VTI1A: variants seen among roughly 807,000 people sequenced by gnomAD.
The protein encoded by VTI1A is vesicle transport through interaction with t-SNAREs homolog 1A.
In VTI1A, 22 loss-of-function variants were observed where a neutral mutation model predicts 34.9. The observed-to-expected ratio is 0.63, with a 90% CI of 0.45 to 0.90. VTI1A has a LOEUF of 0.90. Ranked by LOEUF, VTI1A falls within the 40% of genes least tolerant of loss-of-function variation. The probability of loss-of-function intolerance (pLI) is 0.00; values close to 1 mark genes in which losing one functional copy is unlikely to be tolerated. For synonymous variants in VTI1A, 87 were observed against 97.3 expected, an observed-to-expected ratio of 0.89 and a Z score of 0.62; for missense variants, 268 against 275.6, an observed-to-expected ratio of 0.97 and a Z score of 0.20.
chr10:112,749,487 A>G (rs965162952), intron 7 of VTI1A, among the ~76,000 whole-genome samples: 1 of 152,248 alleles, frequency 6.6e-6, no homozygotes, highest in Admixed American at 6.5e-5. Flanking sequence ...TGATAGGAAT[A>G]TGTGTAAGAC....
intron 5 of VTI1A, among the ~76,000 whole-genome samples, chr10:112,666,083 T>A (rs7092136): frequency 0.25 from 38,102 of 152,088 alleles, 6,999 homozygotes; most frequent in African/African-American, 0.52. Context: ...GTATGACAAA[T>A]TTGAATATTG....
At chr10:112,848,710 G>A in the VTI1A span, among the ~76,000 whole-genome samples, 484 of 152,294 alleles carry the variant, frequency 3.2e-3, 3 homozygotes, top group African/African-American at 0.011. Flanking sequence ...AGGGAAGCCA[G>A]AGAAGCAAAA....
rs1424924745 is a variant in VTI1A, at chr10:112,490,547, G to A, written c.264+25890G>A. On this transcript the variant is annotated intron_variant, in intron 3 of 7. Coordinates refer to ENST00000393077, the MANE Select transcript of VTI1A (RefSeq NM_145206.4). ...TCACTATATGTGTATTGTCATTAATGATATGCTCATTTTGATAATGGGGCT... is the reference window on the plus strand; with the variant it reads ...TCACTATATGTGTATTGTCATTAATAATATGCTCATTTTGATAATGGGGCT... 3.3e-5 allele frequency among the ~76,000 whole-genome samples: 5 copies of A among 151,842 alleles called. No individual in the cohort carries two copies. In the East Asian group the frequency reaches 9.7e-4, roughly 29 times the overall value.
At chr10:112,686,221 G>A (rs1387415191) in intron 7 of VTI1A, among the ~76,000 whole-genome samples, 2 of 152,142 alleles carry the variant, frequency 1.3e-5, no homozygotes, top group African/African-American at 2.4e-5. Context: ...TATGTGGCAG[G>A]TGAACCACTT....
the VTI1A span, among the ~76,000 whole-genome samples, chr10:112,830,835 A>ATTTTT: frequency 6.6e-5 from 3 of 45,756 alleles, no homozygotes; most frequent in African/African-American, 2.6e-4. Flanking sequence ...ATATATATAT[A>ATTTTT]TATATATATA....
chr10:112,536,615 A>G (rs953030266), intron 4 of VTI1A, among the ~76,000 whole-genome samples: 4 of 151,352 alleles, frequency 2.6e-5, no homozygotes, highest in African/African-American at 9.7e-5. Context: ...GGAGGGGACA[A>G]TTTTTCTCTT....
chr10:112,483,622 T>A (rs1320686383), intron 3 of VTI1A, among the ~76,000 whole-genome samples: 2 of 152,108 alleles, frequency 1.3e-5, no homozygotes, highest in African/African-American at 4.8e-5. Context: ...TTTAGCAACA[T>A]CTCTGGCCTC....
In VTI1A at chr10:112,543,230, C is replaced by A. The variant is rs964741412; in HGVS notation, c.427+4900C>A. Among the ~76,000 whole-genome samples the A allele has an allele frequency of 3.9e-4, 60 of 152,242 alleles. 1 individual carries two copies. The highest frequency in any genetic ancestry group is 1.4e-3 in the African/African-American group (58 of 41,550). Reference sequence around the variant, plus strand: ...GCTGAGTCAAATGGTATTTCTAGTTCTAGATCCTTGAGGAATCGCCACACT... The same window carrying A: ...GCTGAGTCAAATGGTATTTCTAGTTATAGATCCTTGAGGAATCGCCACACT... On this transcript the variant is annotated intron_variant, in intron 5 of 7. Transcript: ENST00000393077.
rs1244353748 is a variant in VTI1A at position 112,815,671 on chromosome 10, A to G, written c.*288A>G. The G allele has an allele frequency of 2.3e-6, 1 of 439,110 alleles. No individual in the cohort carries two copies. Among genetic ancestry groups the G allele is most frequent in the Non-Finnish European group, 4.2e-6 (1 of 236,884 alleles). The allele number at this position is 439,110 out of a possible 1,614,324, so 27.2% of individuals were successfully genotyped here. On this transcript the variant is annotated 3_prime_UTR_variant, in exon 8 of 8. Transcript: ENST00000393077. Reference sequence around the variant, plus strand: ...GTCATCAACTAGCCAAAATAGCCCCAGTGACACTCCTAGCCCTCTGGACGT... The same window carrying G: ...GTCATCAACTAGCCAAAATAGCCCCGGTGACACTCCTAGCCCTCTGGACGT...
In VTI1A at chr10:112,526,827, T is replaced by C. The variant is rs111333326; in HGVS notation, c.265-260T>C. Reference sequence around the variant, plus strand: ...TTATTTGAATGGCGATGTATGGAACTATATACAAGTTCAGATGCGTTTATG... The same window carrying C: ...TTATTTGAATGGCGATGTATGGAACCATATACAAGTTCAGATGCGTTTATG... On this transcript the variant is annotated intron_variant, in intron 3 of 7. Transcript: ENST00000393077. Among the ~76,000 whole-genome samples the C allele has an allele frequency of 8.8e-3, 1,344 of 152,318 alleles. 7 individuals carry two copies. The highest frequency in any genetic ancestry group is 0.015 in the Non-Finnish European group (987 of 68,018).
rs1302235091 is a variant in VTI1A, at chr10:112,538,267, A to G, written c.364A>G (p.Thr122Ala). Residue 122 changes from threonine to alanine, a missense_variant, in exon 5 of 8, where the codon ACA (threonine) becomes GCA (alanine). Thr to Ala is a moderately conservative substitution (Grantham distance 58). Coordinates refer to ENST00000393077, the MANE Select transcript of VTI1A (RefSeq NM_145206.4). ...TCAGAGGGCACATCTGCTCGATAAC[A>G]CAGAGAGGCTGGAAAGGTCATCTCG... is the stretch of plus-strand genomic sequence containing the variant. ...ENQRAHLLDN[T>A]ERLERSSRRL... is the part of the protein sequence containing the mutation. The G allele has an allele frequency of 1.2e-6, 2 of 1,613,242 alleles. No individual in the cohort carries two copies. Among genetic ancestry groups the G allele is most frequent in the Non-Finnish European group, 8.5e-7 (1 of 1,179,788 alleles).
intron 5 of VTI1A, among the ~76,000 whole-genome samples, chr10:112,627,632 T>C (rs924488103): frequency 6.6e-6 from 1 of 152,168 alleles, no homozygotes; most frequent in African/African-American, 2.4e-5. Flanking sequence ...TTTATATGTG[T>C]CAATATATAT....
intron 7 of VTI1A, among the ~76,000 whole-genome samples, chr10:112,814,779 T>A (rs529592672): frequency 6.6e-6 from 1 of 152,352 alleles, no homozygotes; most frequent in Non-Finnish European, 1.5e-5. Flanking sequence ...GCTGCACATT[T>A]GACACTTGTT....
chr10:112,815,482 G>A lies in VTI1A; in HGVS notation c.*99G>A, dbSNP rs1853491447. ...CATTCTGTTGCGCTGACAGGCCCCA[G>A]GTGACCCTCTCTCTCCCTCACCGCC... On this transcript the variant is annotated 3_prime_UTR_variant, in exon 8 of 8. Transcript: ENST00000393077. The A allele has an allele frequency of 9.4e-7, 1 of 1,060,478 alleles. No individual in the cohort carries two copies. Among genetic ancestry groups the A allele is most frequent in the Non-Finnish European group, 1.4e-6 (1 of 691,886 alleles). The allele number at this position is 1,060,478 out of a possible 1,614,324, so 65.7% of individuals were successfully genotyped here.
chr10:112,794,200 T>A (rs1387815081), intron 7 of VTI1A, among the ~76,000 whole-genome samples: 1 of 151,964 alleles, frequency 6.6e-6, no homozygotes, highest in Non-Finnish European at 1.5e-5. Context: ...TTTGCAAAAT[T>A]CAAATCAAAA....
At chr10:112,624,682 C>T (rs1321956525) in intron 5 of VTI1A, among the ~76,000 whole-genome samples, 2 of 152,146 alleles carry the variant, frequency 1.3e-5, no homozygotes, top group African/African-American at 2.4e-5. Context: ...CAGTTTGCTG[C>T]TGTTGTTGTT....
chr10:112,551,279 T>C (rs1589893248), intron 5 of VTI1A, among the ~76,000 whole-genome samples: 1 of 139,466 alleles, frequency 7.2e-6, no homozygotes, highest in South Asian at 2.3e-4. Flanking sequence ...ACCTTCACAA[T>C]GGAGCTATTT....
intron 1 of VTI1A, among the ~76,000 whole-genome samples, chr10:112,459,928 T>C (rs1258061169): frequency 2.0e-5 from 3 of 152,232 alleles, no homozygotes; most frequent in African/African-American, 7.2e-5. Flanking sequence ...TTTATTTCCA[T>C]TTTAGAGAGT....
intron 4 of VTI1A, among the ~76,000 whole-genome samples, chr10:112,536,356 A>G (rs1850612381): frequency 6.6e-6 from 1 of 152,198 alleles, no homozygotes; most frequent in Non-Finnish European, 1.5e-5. Context: ...ACAATTTTCA[A>G]GGAAGGGAAG....
Sources: allele counts gnomAD v4.1 joint callset (sites outside exome capture counted in the v4.1 genomes callset), GRCh38; gene constraint gnomAD v4.1.1; transcripts MANE v1.5; gene names NCBI Gene and HGNC (gene_info 2026-07-23, HGNC 2026-07-21).